Variants in UNC5D observed in about 807,000 individuals in gnomAD.
UNC5D encodes netrin receptor UNC5D.
In UNC5D, 39 loss-of-function variants were observed where a neutral mutation model predicts 105.4. The observed-to-expected ratio is 0.37, with a 90% CI of 0.29 to 0.48. UNC5D has a LOEUF of 0.48. Ranked by LOEUF, UNC5D falls within the 20% of genes least tolerant of loss-of-function variation. The pLI is 0.98. For synonymous variants in UNC5D, 452 were observed against 450.4 expected (o/e 1.00, Z -0.04); for missense variants, 991 against 1,202.4 (o/e 0.82, Z 2.60).
intron 4 of UNC5D, among the ~76,000 whole-genome samples, chr8:35,673,804 G>C (rs1478382725): frequency 6.6e-6 from 1 of 152,110 alleles, no homozygotes; most frequent in Admixed American, 6.5e-5. Flanking sequence ...AAAAGCAAAT[G>C]CTTTCCTATA....
chr8:35,483,184 T>C (rs1055492227), intron 1 of UNC5D, among the ~76,000 whole-genome samples: 1 of 152,052 alleles, frequency 6.6e-6, no homozygotes, highest in South Asian at 2.1e-4. Flanking sequence ...TGAATCTTGG[T>C]GGACAGGCCT....
chr8:35,756,662 C>T (rs1335334507), intron 13 of UNC5D, among the ~76,000 whole-genome samples: 1 of 152,006 alleles, frequency 6.6e-6, no homozygotes, highest in South Asian at 2.1e-4. Context: ...GTCAAAGTCT[C>T]AGGTCTCCCA....
chr8:35,772,205 C>A (rs1802040582), intron 15 of UNC5D, among the ~76,000 whole-genome samples: 1 of 152,068 alleles, frequency 6.6e-6, no homozygotes, highest in Non-Finnish European at 1.5e-5. Context: ...ATGTGCGTGA[C>A]CATGAAACTG....
intron 1 of UNC5D, among the ~76,000 whole-genome samples, chr8:35,247,475 G>C (rs761148268): frequency 2.9e-5 from 4 of 135,698 alleles, no homozygotes; most frequent in Non-Finnish European, 6.1e-5. Flanking sequence ...TAATAAATTT[G>C]TTCAGTATGA....
rs147829894 is a variant in UNC5D at position 35,283,456 on chromosome 8, G to A, written c.103+47569G>A. ...TCAAATGTGGATTGGAATCACCTGC[G>A]GAGCTTTAAAAATGCTCATACCTGG... On this transcript the variant is annotated intron_variant, in intron 1 of 16. Coordinates refer to ENST00000404895, the MANE Select transcript of UNC5D (RefSeq NM_080872.4). 5.5e-3 allele frequency among the ~76,000 whole-genome samples: 829 copies of A among 152,020 alleles called. 3 individuals carry two copies. Among genetic ancestry groups the A allele is most frequent in the Non-Finnish European group, 7.3e-3 (499 of 67,994 alleles).
rs549730305 is a variant in UNC5D at position 35,710,713 on chromosome 8, A to G, written c.1117+4752A>G. Among the ~76,000 whole-genome samples, 322 of 152,282 alleles carry G rather than the reference A, an allele frequency of 2.1e-3. 2 individuals are homozygous for G. The highest frequency in any genetic ancestry group is 7.6e-3 in the African/African-American group (315 of 41,560). On this transcript the variant is annotated intron_variant, in intron 8 of 16. Coordinates refer to ENST00000404895, the MANE Select transcript of UNC5D (RefSeq NM_080872.4). ...CAGAAGTCACTACAGAGAAGAAAGA[A>G]AAGTAACAGCTCAAGGAGTAAGAGA...
chr8:35,379,350 C>T (rs1802887250), intron 1 of UNC5D, among the ~76,000 whole-genome samples: 1 of 152,162 alleles, frequency 6.6e-6, no homozygotes, highest in African/African-American at 2.4e-5. Flanking sequence ...CTTTCCCTTC[C>T]TTGTTTACTA....
At chr8:35,251,859 G>T (rs1803719843) in intron 1 of UNC5D, among the ~76,000 whole-genome samples, 1 of 152,050 alleles carries the variant, frequency 6.6e-6, no homozygotes, top group South Asian at 2.1e-4. Flanking sequence ...TCCTCATACG[G>T]AGTAGGGTGA....
intron 11 of UNC5D, among the ~76,000 whole-genome samples, chr8:35,746,165 A>G (rs1262937361): frequency 6.6e-6 from 1 of 152,166 alleles, no homozygotes; most frequent in Non-Finnish European, 1.5e-5. Flanking sequence ...GAAAAGTACA[A>G]TCTGGTCACT....
intron 16 of UNC5D, among the ~76,000 whole-genome samples, chr8:35,782,714 A>G (rs1802560370): frequency 6.6e-6 from 1 of 152,084 alleles, no homozygotes; most frequent in Admixed American, 6.5e-5. Flanking sequence ...CATGTTGGCC[A>G]GGCTAGTCTT....
At chr8:35,659,224 A>G (rs887247142) in intron 4 of UNC5D, among the ~76,000 whole-genome samples, 3 of 152,186 alleles carry the variant, frequency 2.0e-5, no homozygotes, top group African/African-American at 7.2e-5. Context: ...TGTATATTAA[A>G]TCTAATGAAG....
At chr8:35,636,908 T>C (rs1822412335) in intron 4 of UNC5D, among the ~76,000 whole-genome samples, 1 of 152,234 alleles carries the variant, frequency 6.6e-6, no homozygotes, top group African/African-American at 2.4e-5. Flanking sequence ...TTTTACAGGC[T>C]GTTGCCTAGT....
chr8:35,418,061 T>C (rs986931550), intron 1 of UNC5D, among the ~76,000 whole-genome samples: 2 of 152,188 alleles, frequency 1.3e-5, no homozygotes, highest in African/African-American at 4.8e-5. Context: ...CTTTCCTTTT[T>C]GCAGACCCTG....
At chr8:35,315,516 G>A (rs1319118315) in intron 1 of UNC5D, among the ~76,000 whole-genome samples, 1 of 152,062 alleles carries the variant, frequency 6.6e-6, no homozygotes, top group Non-Finnish European at 1.5e-5. Context: ...GACAGCCAGG[G>A]GCTCTAAAAT....
At chr8:35,360,963 C>G (rs949307878) in intron 1 of UNC5D, among the ~76,000 whole-genome samples, 1 of 151,948 alleles carries the variant, frequency 6.6e-6, no homozygotes, top group Admixed American at 6.6e-5. Flanking sequence ...ATTCAAGTTG[C>G]TTTTAAAAAG....
intron 4 of UNC5D, among the ~76,000 whole-genome samples, chr8:35,649,299 G>C (rs1180588507): frequency 1.3e-5 from 2 of 152,130 alleles, no homozygotes; most frequent in Non-Finnish European, 2.9e-5. Context: ...GATGGCATTG[G>C]TTGGCATCTG....
At chr8:35,662,101 A>G (rs192378327) in intron 4 of UNC5D, among the ~76,000 whole-genome samples, 1 of 148,414 alleles carries the variant, frequency 6.7e-6, no homozygotes, top group East Asian at 2.0e-4. Context: ...CCATTCCAGC[A>G]TTTTCTCTAT....
rs998104263 is a variant in UNC5D, at chr8:35,281,533, G to A, written c.103+45646G>A. Among the ~76,000 whole-genome samples, 4 of 151,780 alleles carry A rather than the reference G, an allele frequency of 2.6e-5. 1 individual carries two copies. Among genetic ancestry groups the A allele is most frequent in the African/African-American group, 9.7e-5 (4 of 41,364 alleles). On this transcript the variant is annotated intron_variant, in intron 1 of 16. Transcript: ENST00000404895. The stretch of plus-strand genomic sequence containing the variant: ...TGGCTCACTGCAACCTCCGCCTCCC[G>A]GGTTCAAGCGATTCTCCTGCCTCAG...
rs1051861090 is a variant in UNC5D at position 35,790,656 on chromosome 8, G to A, written c.*93G>A. On this transcript the variant is annotated 3_prime_UTR_variant, in exon 17 of 17. Transcript: ENST00000404895. ...CGCTTTCTGCCCAGTGGCGTTGGGG[G>A]AATTCAGCCTTCATTTATAATCAGT... 1.3e-5 allele frequency: 18 copies of A among 1,374,586 alleles called. No homozygotes were observed. The highest frequency in any genetic ancestry group is 1.8e-5 in the Non-Finnish European group (18 of 989,136). 85.1% of individuals were successfully genotyped at this position (1,374,586 alleles called of 1,614,324 possible).
Sources: gnomAD v4.1 joint callset for allele counts (sites outside exome capture counted in the v4.1 genomes callset) on GRCh38, gnomAD v4.1.1 for gene constraint, MANE v1.5 for transcripts, NCBI Gene and HGNC (gene_info 2026-07-23, HGNC 2026-07-21) for gene names.